Variants in ANKS1B observed in about 807,000 individuals in gnomAD.
The protein encoded by ANKS1B is ankyrin repeat and sterile alpha motif domain containing 1B.
In ANKS1B, 36 loss-of-function variants were observed where a neutral mutation model predicts 148.3. The observed-to-expected ratio is 0.24, with a 90% CI of 0.19 to 0.32. ANKS1B has a LOEUF of 0.32. ANKS1B is among the 10% of genes least tolerant of loss of function. ANKS1B has a pLI of 1.00. For synonymous variants in ANKS1B, 542 were observed against 560.8 expected, an observed-to-expected ratio of 0.97 and a Z score of 0.47; for missense variants, 1,157 against 1,542.6, an observed-to-expected ratio of 0.75 and a Z score of 4.19.
At chr12:99,184,790 T>C (rs1206718471) in intron 14 of ANKS1B, among the ~76,000 whole-genome samples, 2 of 152,158 alleles carry the variant, frequency 1.3e-5, no homozygotes, top group Non-Finnish European at 2.9e-5. Flanking sequence ...ACTAACTAGG[T>C]CATACATGAC....
chr12:99,094,479 TA>T (rs1311309191), intron 15 of ANKS1B, among the ~76,000 whole-genome samples: 1 of 152,128 alleles, frequency 6.6e-6, no homozygotes, highest in Admixed American at 6.5e-5. Flanking sequence ...AATGGAGTTC[TA>T]AAATAAAAAA....
At chr12:99,537,779 A>G (rs878953328) in intron 9 of ANKS1B, among the ~76,000 whole-genome samples, 1 of 151,724 alleles carries the variant, frequency 6.6e-6, no homozygotes, top group African/African-American at 2.4e-5. Flanking sequence ...CCATTTTTCC[A>G]TTTTTGCTGT....
intron 17 of ANKS1B, among the ~76,000 whole-genome samples, chr12:99,019,001 G>C (rs2099944179): frequency 6.6e-6 from 1 of 152,172 alleles, no homozygotes; most frequent in Non-Finnish European, 1.5e-5. Context: ...ATGAAATAAA[G>C]TGTTGACAAA....
rs1445370123 is a variant in ANKS1B, at chr12:98,744,076, A to G, written c.*1663T>C. The stretch of plus-strand genomic sequence containing the variant: ...ACTGGAAGCCCAAGCTTATTTACAC[A>G]TATGCTTCTGTTTCAGCAAAGCTCC... On this transcript the variant is annotated 3_prime_UTR_variant, in exon 27 of 27. Coordinates refer to ENST00000683438, the MANE Select transcript of ANKS1B (RefSeq NM_001352186.2). 2 of 984,124 alleles carry G rather than the reference A, an allele frequency of 2.0e-6. No homozygotes were observed. Among genetic ancestry groups the G allele is most frequent in the East Asian group, 1.1e-4 (1 of 8,828 alleles). The allele number at this position is 984,124 out of a possible 1,614,324, so 61.0% of individuals were successfully genotyped here.
At chr12:99,885,701 C>T (rs114889336) in intron 1 of ANKS1B, among the ~76,000 whole-genome samples, 2,435 of 152,082 alleles carry the variant, frequency 0.016, 80 homozygotes, top group African/African-American at 0.055. Context: ...ACCTGCCACC[C>T]GAGCAGTGTC....
At chr12:98,920,960 T>A (rs1283174160) in intron 17 of ANKS1B, among the ~76,000 whole-genome samples, 1 of 152,178 alleles carries the variant, frequency 6.6e-6, no homozygotes, top group East Asian at 1.9e-4. Context: ...AAATTTCAAT[T>A]TTCAAACAAG....
At chr12:99,034,173 G>T (rs73386555) in intron 17 of ANKS1B, among the ~76,000 whole-genome samples, 5 of 152,270 alleles carry the variant, frequency 3.3e-5, no homozygotes, top group Non-Finnish European at 7.4e-5. Context: ...CTCTGTAGTC[G>T]TACAAAGCAG....
At chr12:99,528,471 C>T (rs1321841335) in intron 9 of ANKS1B, among the ~76,000 whole-genome samples, 3 of 142,260 alleles carry the variant, frequency 2.1e-5, no homozygotes, top group Admixed American at 2.1e-4. Context: ...ACAGAGTAAA[C>T]AGACAACCTA....
At chr12:99,454,426 A>G (rs2095811947) in intron 10 of ANKS1B, among the ~76,000 whole-genome samples, 1 of 152,216 alleles carries the variant, frequency 6.6e-6, no homozygotes, top group Non-Finnish European at 1.5e-5. Context: ...CTTCAAGCCA[A>G]TAAGAACTTT....
rs1441486862 is a variant in ANKS1B at position 99,632,767 on chromosome 12, A to ATATT, written c.1272+22299_1272+22300insAATA. On this transcript the variant is annotated intron_variant, in intron 9 of 26. Transcript: ENST00000683438. ...TATATATATATATATATATATATATATTTTAATTATACTTTAAGTTCTAGG... is the reference window on the plus strand; with the variant it reads ...TATATATATATATATATATATATATATATTTTTTAATTATACTTTAAGTTCTAGG... Among the ~76,000 whole-genome samples the ATATT allele has an allele frequency of 1.8e-3, 126 of 71,298 alleles. 6 individuals carry two copies. Among genetic ancestry groups the ATATT allele is most frequent in the Non-Finnish European group, 2.5e-3 (86 of 34,686 alleles). The allele number at this position is 71,298 out of a possible 152,430, so 46.8% of individuals were successfully genotyped here. A position where few individuals can be genotyped will look rare whatever the true frequency, so the allele number is the denominator to read the frequency against.
intron 17 of ANKS1B, among the ~76,000 whole-genome samples, chr12:98,875,593 T>G (rs950437898): frequency 6.6e-6 from 1 of 152,210 alleles, no homozygotes; most frequent in African/African-American, 2.4e-5. Context: ...TTTCTTTCTT[T>G]CCACTCTTGT....
chr12:99,519,937 T>G (rs2096858391), intron 9 of ANKS1B, among the ~76,000 whole-genome samples: 1 of 152,142 alleles, frequency 6.6e-6, no homozygotes, highest in Admixed American at 6.6e-5. Context: ...ATGCAAAAAG[T>G]AAACTAATGA....
chr12:99,856,158 A>C (rs1380125575), intron 1 of ANKS1B, among the ~76,000 whole-genome samples: 3 of 152,076 alleles, frequency 2.0e-5, no homozygotes, highest in Non-Finnish European at 4.4e-5. Context: ...AAATAAAATT[A>C]ATAGACCATT....
intron 6 of ANKS1B, among the ~76,000 whole-genome samples, chr12:99,779,198 T>G (rs2063998148): frequency 6.6e-6 from 1 of 152,242 alleles, no homozygotes; most frequent in Non-Finnish European, 1.5e-5. Flanking sequence ...TGTCAAACTT[T>G]CAATAGAGCT....
downstream of ANKS1B, among the ~76,000 whole-genome samples, chr12:98,743,654 A>AACAT (rs2153355302): frequency 1.3e-5 from 2 of 152,334 alleles, no homozygotes; most frequent in Admixed American, 1.3e-4. Context: ...TGTTTTTCCA[A>AACAT]ACATACCATC....
intron 9 of ANKS1B, among the ~76,000 whole-genome samples, chr12:98,738,467 G>C (rs1321630612): frequency 6.6e-6 from 1 of 152,206 alleles, no homozygotes; most frequent in Admixed American, 6.5e-5. Context: ...GACTCCTGCT[G>C]TTCTGAGGAG....
intron 8 of ANKS1B, among the ~76,000 whole-genome samples, chr12:99,717,663 T>G (rs1054750582): frequency 2.6e-5 from 4 of 152,180 alleles, no homozygotes; most frequent in Admixed American, 6.5e-5. Flanking sequence ...GGCTGAAGAC[T>G]GACACTGCCC....
At chr12:99,717,713 G>A (rs1395158938) in intron 8 of ANKS1B, among the ~76,000 whole-genome samples, 2 of 152,068 alleles carry the variant, frequency 1.3e-5, no homozygotes, top group Non-Finnish European at 2.9e-5. Flanking sequence ...CGGACGCCGA[G>A]CTTTAAGTAA....
intron 17 of ANKS1B, among the ~76,000 whole-genome samples, chr12:98,847,460 A>T (rs1187868442): frequency 6.6e-6 from 1 of 152,192 alleles, no homozygotes; most frequent in Non-Finnish European, 1.5e-5. Flanking sequence ...TCATGGCCAA[A>T]TAATATTCCA....
Sources: gnomAD v4.1 joint callset for allele counts (sites outside exome capture counted in the v4.1 genomes callset) on GRCh38, gnomAD v4.1.1 for gene constraint, MANE v1.5 for transcripts, NCBI Gene and HGNC (gene_info 2026-07-23, HGNC 2026-07-21) for gene names.